LYPLAL1: variants seen among roughly 807,000 people sequenced by gnomAD.
LYPLAL1 encodes the protein lysophospholipase like 1.
In LYPLAL1, 23 loss-of-function variants were observed where a neutral mutation model predicts 19.7. That is an observed-to-expected ratio of 1.17 (90% CI 0.84 to 1.65). LYPLAL1 has a LOEUF of 1.65. Ranked by LOEUF, LYPLAL1 falls within the 40% of genes most tolerant of loss-of-function variation. The pLI is 0.00. For synonymous variants in LYPLAL1, 119 were observed against 96.3 expected, an observed-to-expected ratio of 1.24 and a Z score of -1.38; for missense variants, 355 against 279.4, an observed-to-expected ratio of 1.27 and a Z score of -1.93.
chr1:219,344,223 G>C, the LYPLAL1 span, among the ~76,000 whole-genome samples: 16 of 152,098 alleles, frequency 1.1e-4, no homozygotes, highest in Non-Finnish European at 2.2e-4. Context: ...GCCTGCAGTT[G>C]TTCACTCAAA....
chr1:219,243,127 A>G, the LYPLAL1 span, among the ~76,000 whole-genome samples: 3 of 152,156 alleles, frequency 2.0e-5, no homozygotes, highest in African/African-American at 4.8e-5. Flanking sequence ...TACATTTATG[A>G]ATTTCCTAAG....
chr1:219,419,596 G>C, the LYPLAL1 span, among the ~76,000 whole-genome samples: 213 of 59,182 alleles, frequency 3.6e-3, no homozygotes, highest in East Asian at 0.012. Flanking sequence ...CACACACACA[G>C]AGAGAGAGAG....
the LYPLAL1 span, among the ~76,000 whole-genome samples, chr1:219,257,001 T>C: frequency 6.6e-6 from 1 of 152,032 alleles, no homozygotes; most frequent in South Asian, 2.1e-4. Flanking sequence ...TTAGTAAATA[T>C]TCCATGTGCA....
At chr1:219,350,079 C>T in the LYPLAL1 span, among the ~76,000 whole-genome samples, 7 of 152,116 alleles carry the variant, frequency 4.6e-5, no homozygotes, top group Middle Eastern at 3.2e-3. Context: ...AGAATTTTAA[C>T]CTGTAAACTC....
intron 3 of LYPLAL1, among the ~76,000 whole-genome samples, chr1:219,208,890 T>C (rs1658779634): frequency 6.6e-6 from 1 of 152,078 alleles, no homozygotes; most frequent in South Asian, 2.1e-4. Flanking sequence ...TTACCAGAAA[T>C]ACTAATTTGT....
the LYPLAL1 span, among the ~76,000 whole-genome samples, chr1:219,361,308 A>G: frequency 4.6e-5 from 7 of 152,202 alleles, no homozygotes; most frequent in Non-Finnish European, 1.5e-5. Context: ...TGATTCTTTC[A>G]GACCTGTTCT....
the LYPLAL1 span, among the ~76,000 whole-genome samples, chr1:219,221,152 C>T: frequency 6.6e-6 from 1 of 152,174 alleles, no homozygotes; most frequent in Non-Finnish European, 1.5e-5. Context: ...TCAGTTCTGA[C>T]CACTAAGTGC....
chr1:219,430,617 T>C, the LYPLAL1 span, among the ~76,000 whole-genome samples: 1 of 152,176 alleles, frequency 6.6e-6, no homozygotes, highest in South Asian at 2.1e-4. Context: ...TGGAAAACAC[T>C]CATTCTTTCT....
intron 2 of LYPLAL1, among the ~76,000 whole-genome samples, chr1:219,185,968 G>A (rs192100329): frequency 5.9e-5 from 9 of 151,982 alleles, no homozygotes; most frequent in Admixed American, 1.3e-4. Context: ...TTAATGAGGT[G>A]TCAGACAGAG....
At chr1:219,290,345 G>A in the LYPLAL1 span, among the ~76,000 whole-genome samples, 1 of 152,078 alleles carries the variant, frequency 6.6e-6, no homozygotes, top group African/African-American at 2.4e-5. Context: ...GAGACTTTCT[G>A]GGCTGCATTC....
At chr1:219,381,666 A>G in the LYPLAL1 span, among the ~76,000 whole-genome samples, 5 of 152,194 alleles carry the variant, frequency 3.3e-5, no homozygotes, top group African/African-American at 4.8e-5. Context: ...ACAAAATAGG[A>G]GAGTGCCCTT....
At chr1:219,292,818 T>C in the LYPLAL1 span, among the ~76,000 whole-genome samples, 3 of 152,164 alleles carry the variant, frequency 2.0e-5, no homozygotes, top group African/African-American at 7.2e-5. Context: ...GAGGCAAGGC[T>C]TCCTGTGTAC....
chr1:219,345,122 A>T, the LYPLAL1 span, among the ~76,000 whole-genome samples: 6 of 152,194 alleles, frequency 3.9e-5, no homozygotes, highest in South Asian at 1.0e-3. Flanking sequence ...TTCTTTCTGT[A>T]TTTATAGAAC....
At chr1:219,344,309 A>G in the LYPLAL1 span, among the ~76,000 whole-genome samples, 2 of 152,282 alleles carry the variant, frequency 1.3e-5, no homozygotes, top group Non-Finnish European at 1.5e-5. Context: ...ACTGCAAACT[A>G]TCTACCTTTC....
At chr1:219,239,531 G>T in the LYPLAL1 span, among the ~76,000 whole-genome samples, 2 of 152,142 alleles carry the variant, frequency 1.3e-5, no homozygotes, top group Admixed American at 1.3e-4. Context: ...AAAAATTTTT[G>T]TTCATAGAAG....
At chr1:219,413,153 G>T in the LYPLAL1 span, among the ~76,000 whole-genome samples, 1 of 151,976 alleles carries the variant, frequency 6.6e-6, no homozygotes, top group Non-Finnish European at 1.5e-5. Flanking sequence ...AAAAAAAAAT[G>T]GAAGGTTGGG....
Position 219,196,651 on chromosome 1 carries a change from A to G in LYPLAL1, c.361+3400A>G, listed in dbSNP as rs142504899. Among the ~76,000 whole-genome samples, 244 of 152,284 alleles carry G rather than the reference A, an allele frequency of 1.6e-3. 3 individuals are homozygous for G. The East Asian group carries it at 0.022, about 14-fold the overall frequency. On this transcript the variant is annotated intron_variant, in intron 3 of 4. Transcript: ENST00000366928. The stretch of plus-strand genomic sequence containing the variant: ...AGTATTGGGAGTTCTGGCTGGGGCA[A>G]TCAGGCAAGAAAAAGAAATAAAAAG...
chr1:219,301,764 T>C, the LYPLAL1 span, among the ~76,000 whole-genome samples: 1 of 133,428 alleles, frequency 7.5e-6, no homozygotes, highest in African/African-American at 2.6e-5. Context: ...TATTTTTAAC[T>C]AACAGTTATT....
the LYPLAL1 span, among the ~76,000 whole-genome samples, chr1:219,234,835 CTAAGACAAGT>C: frequency 2.4e-4 from 37 of 152,166 alleles, no homozygotes; most frequent in African/African-American, 8.4e-4. Flanking sequence ...TGAGCAGTCC[CTAAGACAAGT>C]TATAATCGCA....
Sources: gnomAD v4.1 joint callset for allele counts (sites outside exome capture counted in the v4.1 genomes callset) on GRCh38, gnomAD v4.1.1 for gene constraint, MANE v1.5 for transcripts, NCBI Gene and HGNC (gene_info 2026-07-23, HGNC 2026-07-21) for gene names.